SLC16A14: variants seen among roughly 807,000 people sequenced by gnomAD.
The protein encoded by SLC16A14 is solute carrier family 16 member 14.
A neutral mutation model predicts 35.8 loss-of-function variants in SLC16A14; 14 were observed. The observed-to-expected ratio is 0.39, with a 90% confidence interval of 0.26 to 0.61. The LOEUF is 0.61. Among genes scored for constraint, SLC16A14 ranks in the 20% least tolerant of loss-of-function variants. SLC16A14 has a pLI of 0.51. For missense variants in SLC16A14, 533 were observed against 655.0 expected (o/e 0.81, Z 2.03); for synonymous variants, 248 against 258.9 (o/e 0.96, Z 0.40).
chr2:230,049,422 T>G (rs1169510045), intron 3 of SLC16A14, among the ~76,000 whole-genome samples: 1 of 152,120 alleles, frequency 6.6e-6, no homozygotes, highest in African/African-American at 2.4e-5. Flanking sequence ...TGTAATTTCC[T>G]TAATCTTTGG....
At chr2:230,048,943 A>AAAAG (rs562094733) in intron 3 of SLC16A14, among the ~76,000 whole-genome samples, 4,471 of 107,252 alleles carry the variant, frequency 0.042, 838 homozygotes, top group Middle Eastern at 0.073. Flanking sequence ...AAAAAAAAAA[A>AAAAG]AACAAATGAT....
chr2:230,063,558 A>G (rs2077768140), intron 1 of SLC16A14, among the ~76,000 whole-genome samples: 1 of 152,192 alleles, frequency 6.6e-6, no homozygotes, highest in South Asian at 2.1e-4. Context: ...ATTGTAGCAT[A>G]GCTAGACAAT....
intron 4 of SLC16A14, among the ~76,000 whole-genome samples, chr2:230,045,440 A>C (rs1000641746): frequency 9.2e-5 from 14 of 152,174 alleles, no homozygotes; most frequent in African/African-American, 3.4e-4. Flanking sequence ...CACACCTGTA[A>C]TTCCAGCTAC....
At chr2:230,054,088 G>GC (rs1207455686) in intron 2 of SLC16A14, among the ~76,000 whole-genome samples, 20 of 146,364 alleles carry the variant, frequency 1.4e-4, no homozygotes, top group Non-Finnish European at 2.2e-4. Context: ...GCCTGAGGTG[G>GC]GGGGGGAAGT....
intron 4 of SLC16A14, among the ~76,000 whole-genome samples, chr2:230,040,728 T>C (rs1441481710): frequency 1.3e-5 from 2 of 152,160 alleles, no homozygotes; most frequent in Non-Finnish European, 2.9e-5. Context: ...GTTAATCCCA[T>C]AGGTTTTCTC....
chr2:230,051,565 T>G (rs1157240908), intron 2 of SLC16A14, among the ~76,000 whole-genome samples: 1 of 152,244 alleles, frequency 6.6e-6, no homozygotes, highest in Non-Finnish European at 1.5e-5. Flanking sequence ...CAATGATTCC[T>G]TGTTTAAATA....
chr2:230,040,253 C>G (rs954329525), intron 4 of SLC16A14, among the ~76,000 whole-genome samples: 3 of 151,966 alleles, frequency 2.0e-5, no homozygotes, highest in African/African-American at 7.3e-5. Flanking sequence ...GAGTCTCACT[C>G]TGTCACCCAG....
chr2:230,049,903 G>A lies in SLC16A14; in HGVS notation c.261C>T (p.Gly87=), dbSNP rs1157955584. ...TGTTAATGAACAAGCCGATGAAAGG[G>A]CCTGTCACAGAGCATTGGAAAAGGA... The part of the protein sequence containing the change: ...SLSMGITLIV[G]PFIGLFINTC... Residue 87 remains glycine, a splice_region_variant and synonymous_variant, in exon 3 of 5, where the codon GGC becomes GGT. Coordinates refer to ENST00000295190, the MANE Select transcript of SLC16A14 (RefSeq NM_152527.5). The A allele has an allele frequency of 6.2e-7, 1 of 1,613,732 alleles. No individual in the cohort carries two copies. The highest frequency in any genetic ancestry group is 8.5e-7 in the Non-Finnish European group (1 of 1,179,826).
Position 230,035,294 on chromosome 2 carries a change from A to T in SLC16A14, c.*2086T>A, listed in dbSNP as rs2077512190. On this transcript the variant is annotated 3_prime_UTR_variant, in exon 5 of 5. Transcript: ENST00000295190. The stretch of plus-strand genomic sequence containing the variant: ...CAACTGTACAAACTGAACGTGAGCA[A>T]GTCTAACTTAGATGTAATTAGAGTT... 1 of 152,664 alleles carries T rather than the reference A, an allele frequency of 6.6e-6. No individual in the cohort carries two copies. The highest frequency in any genetic ancestry group is 2.1e-4 in the South Asian group (1 of 4,828). The allele number at this position is 152,664 out of a possible 1,614,324, so 9.5% of individuals were successfully genotyped here. A position where few individuals can be genotyped will look rare whatever the true frequency, so the allele number is the denominator to read the frequency against.
intron 4 of SLC16A14, among the ~76,000 whole-genome samples, chr2:230,044,001 G>A (rs1330297984): frequency 6.6e-6 from 1 of 152,222 alleles, no homozygotes; most frequent in Non-Finnish European, 1.5e-5. Context: ...CTCCGGGCCT[G>A]TGGTAGGCAG....
At chr2:230,047,231 A>T (rs1404530404) in intron 3 of SLC16A14, among the ~76,000 whole-genome samples, 1 of 152,046 alleles carries the variant, frequency 6.6e-6, no homozygotes, top group African/African-American at 2.4e-5. Flanking sequence ...ATAACACAAA[A>T]ATCCCACTGC....
intron 1 of SLC16A14, among the ~76,000 whole-genome samples, chr2:230,067,510 C>A (rs1466269131): frequency 1.3e-5 from 2 of 150,934 alleles, no homozygotes; most frequent in Admixed American, 1.3e-4. Flanking sequence ...CCTCCCACCC[C>A]CAACACTGCC....
At chr2:230,039,779 A>G (rs926053489) in intron 4 of SLC16A14, among the ~76,000 whole-genome samples, 2 of 152,224 alleles carry the variant, frequency 1.3e-5, no homozygotes, top group Non-Finnish European at 2.9e-5. Flanking sequence ...TGTAACTAAC[A>G]AACAGCTGAA....
Position 230,046,748 on chromosome 2 carries a change from A to G in SLC16A14, c.404-26T>C. 6.4e-7 allele frequency: 1 copy of G among 1,568,878 alleles called. No individual in the cohort carries two copies. The highest frequency in any genetic ancestry group is 8.6e-7 in the Non-Finnish European group (1 of 1,163,200). On this transcript the variant is annotated intron_variant, in intron 3 of 4. Coordinates refer to ENST00000295190, the MANE Select transcript of SLC16A14 (RefSeq NM_152527.5). The surrounding 1 kb of genome is among the most constrained non-coding windows in gnomAD (Gnocchi z 5.0). ...CTGTACAGGCCGACGGGGGGAAGAAAAGACACAGTGCAACATCAGTGGCCA... is the reference window on the plus strand; with the variant it reads ...CTGTACAGGCCGACGGGGGGAAGAAGAGACACAGTGCAACATCAGTGGCCA...
rs2077514716 is a variant in SLC16A14 at position 230,035,743 on chromosome 2, CTT to C, written c.*1635_*1636del. The C allele has an allele frequency of 6.6e-6, 1 of 152,106 alleles. No individual in the cohort carries two copies. Among genetic ancestry groups the C allele is most frequent in the African/African-American group, 2.4e-5 (1 of 41,418 alleles). The allele number at this position is 152,106 out of a possible 1,614,324, so 9.4% of individuals were successfully genotyped here. On this transcript the variant is annotated 3_prime_UTR_variant, in exon 5 of 5. Coordinates refer to ENST00000295190, the MANE Select transcript of SLC16A14 (RefSeq NM_152527.5). ...ATATTAAGTATATATATTAACCATG[CTT>C]TTGTCTCTCCTTTCCATTAGCTGCC...
chr2:230,061,815 C>G (rs751913414), intron 1 of SLC16A14, among the ~76,000 whole-genome samples: 1 of 149,372 alleles, frequency 6.7e-6, no homozygotes. Flanking sequence ...AATTTTGACT[C>G]TCTGCAACCT....
chr2:230,066,935 C>T (rs376857707), intron 1 of SLC16A14, among the ~76,000 whole-genome samples: 9 of 152,336 alleles, frequency 5.9e-5, no homozygotes, highest in African/African-American at 2.2e-4. Flanking sequence ...CCAAGTCATT[C>T]ATTTTTAATT....
intron 2 of SLC16A14, 115 bp downstream of exon 2, chr2:230,058,979 A>C: frequency 6.8e-7 from 1 of 1,475,956 alleles, no homozygotes; most frequent in South Asian, 1.5e-5. Flanking sequence ...CAATTGAAAA[A>C]TAGTAGCTAG....
At chr2:230,051,818 G>C (rs1344376454) in intron 2 of SLC16A14, among the ~76,000 whole-genome samples, 3 of 151,936 alleles carry the variant, frequency 2.0e-5, no homozygotes, top group Admixed American at 2.0e-4. Context: ...GTGGTTTTGT[G>C]GGTGCCTAAT....
Sources: gnomAD v4.1 joint callset for allele counts (sites outside exome capture counted in the v4.1 genomes callset) on GRCh38, gnomAD v4.1.1 for gene constraint, Gnocchi (gnomAD v3.1) non-coding constraint, MANE v1.5 for transcripts, NCBI Gene and HGNC (gene_info 2026-07-23, HGNC 2026-07-21) for gene names.